Variants in DAB1 observed in about 807,000 individuals in gnomAD.
DAB1 encodes the protein DAB adaptor protein 1.
In DAB1, 15 loss-of-function variants were observed where a neutral mutation model predicts 64.6. That is an observed-to-expected ratio of 0.23 (90% CI 0.16 to 0.36). DAB1 has a LOEUF of 0.36. Ranked by LOEUF, DAB1 falls within the 10% of genes least tolerant of loss-of-function variation. The pLI is 1.00. For missense variants in DAB1, 596 were observed against 706.7 expected (o/e 0.84, Z 1.78); for synonymous variants, 235 against 251.9 (o/e 0.93, Z 0.64).
At chr1:57,669,396 A>G (rs887700023) in intron 6 of DAB1, among the ~76,000 whole-genome samples, 1 of 152,194 alleles carries the variant, frequency 6.6e-6, no homozygotes, top group Non-Finnish European at 1.5e-5. Context: ...TATATTTTAC[A>G]TGATAACTTG....
chr1:57,380,226 A>G (rs1172725694), intron 1 of DAB1, among the ~76,000 whole-genome samples: 1 of 152,196 alleles, frequency 6.6e-6, no homozygotes, highest in Non-Finnish European at 1.5e-5. Flanking sequence ...ACTAACAAAA[A>G]AACTGAAGAG....
chr1:57,584,157 A>G (rs1390334396), intron 7 of DAB1, among the ~76,000 whole-genome samples: 1 of 152,198 alleles, frequency 6.6e-6, no homozygotes, highest in African/African-American at 2.4e-5. Flanking sequence ...ACTGTGCTCA[A>G]ATAAGGAAAC....
chr1:58,518,338 G>T (rs1569936595), intron 2 of DAB1, among the ~76,000 whole-genome samples: 1 of 130,398 alleles, frequency 7.7e-6, no homozygotes, highest in Non-Finnish European at 1.6e-5. Context: ...GAGAAGAGAA[G>T]AGAAGAGAAG....
intron 5 of DAB1, among the ~76,000 whole-genome samples, chr1:57,970,322 A>G (rs1393943148): frequency 1.3e-5 from 2 of 152,182 alleles, no homozygotes; most frequent in African/African-American, 4.8e-5. Context: ...AGCAGCCAAA[A>G]AACACATGGT....
intron 1 of DAB1, among the ~76,000 whole-genome samples, chr1:57,303,658 G>A (rs1673866783): frequency 6.6e-6 from 1 of 150,514 alleles, no homozygotes; most frequent in African/African-American, 2.5e-5. Flanking sequence ...CCACTAGGTA[G>A]AAAAACAAAC....
chr1:58,166,569 C>T (rs1163134621), intron 4 of DAB1, among the ~76,000 whole-genome samples: 1 of 152,120 alleles, frequency 6.6e-6, no homozygotes, highest in Non-Finnish European at 1.5e-5. Context: ...AGTGTTTCCA[C>T]TTCCTTGGAT....
At chr1:58,091,211 C>T (rs908289854) in intron 5 of DAB1, among the ~76,000 whole-genome samples, 7 of 152,132 alleles carry the variant, frequency 4.6e-5, no homozygotes, top group African/African-American at 1.7e-4. Flanking sequence ...CACTCTGTTT[C>T]GTTAGTTTTA....
chr1:58,257,773 G>C (rs1307771390), intron 4 of DAB1, among the ~76,000 whole-genome samples: 2 of 152,152 alleles, frequency 1.3e-5, no homozygotes, highest in African/African-American at 4.8e-5. Context: ...TTTTACAGCT[G>C]GGGGAGCTAA....
intron 5 of DAB1, among the ~76,000 whole-genome samples, chr1:57,989,674 T>C (rs1217508060): frequency 2.0e-5 from 3 of 152,164 alleles, no homozygotes; most frequent in Non-Finnish European, 2.9e-5. Context: ...TAAATGAACA[T>C]CTGTAGCCCA....
chr1:57,495,077 G>A (rs185477776), intron 7 of DAB1, among the ~76,000 whole-genome samples: 13 of 152,210 alleles, frequency 8.5e-5, no homozygotes, highest in Non-Finnish European at 1.8e-4. Context: ...TGAGTCAATC[G>A]CATAGGGATA....
intron 6 of DAB1, among the ~76,000 whole-genome samples, chr1:57,752,289 CTATT>C (rs1217522582): frequency 6.6e-6 from 1 of 152,154 alleles, no homozygotes; most frequent in East Asian, 1.9e-4. Flanking sequence ...TTGATTTTCT[CTATT>C]TATTTACATT....
At chr1:58,356,059 C>T (rs1557738546) in intron 3 of DAB1, among the ~76,000 whole-genome samples, 1 of 152,150 alleles carries the variant, frequency 6.6e-6, no homozygotes, top group Non-Finnish European at 1.5e-5. Flanking sequence ...TCCTCTAATC[C>T]CTAGACATCT....
chr1:57,593,984 A>G (rs898129171), intron 7 of DAB1, among the ~76,000 whole-genome samples: 1 of 152,216 alleles, frequency 6.6e-6, no homozygotes, highest in Non-Finnish European at 1.5e-5. Flanking sequence ...CCTGGGTTGT[A>G]TGCCTTGCCT....
intron 1 of DAB1, among the ~76,000 whole-genome samples, chr1:57,369,672 T>C (rs1680338285): frequency 6.6e-6 from 1 of 152,204 alleles, no homozygotes; most frequent in Admixed American, 6.5e-5. Context: ...CTTCTGAGCT[T>C]GGACTCTGGA....
intron 7 of DAB1, among the ~76,000 whole-genome samples, chr1:57,546,568 T>C (rs917739558): frequency 1.3e-5 from 2 of 152,138 alleles, no homozygotes; most frequent in African/African-American, 4.8e-5. Context: ...TACAGAACAG[T>C]TTGAGAATTA....
chr1:57,487,997 T>G (rs537548124), intron 7 of DAB1, among the ~76,000 whole-genome samples: 2 of 152,322 alleles, frequency 1.3e-5, no homozygotes, highest in African/African-American at 4.8e-5. Context: ...AAGCTAAATC[T>G]TATATTGCTA....
At chr1:57,523,181 C>A (rs1310140329) in intron 7 of DAB1, among the ~76,000 whole-genome samples, 2 of 152,184 alleles carry the variant, frequency 1.3e-5, no homozygotes, top group African/African-American at 2.4e-5. Flanking sequence ...AATACACCCC[C>A]CTTCCCTGTC....
upstream of DAB1, among the ~76,000 whole-genome samples, chr1:57,886,001 CAAATT>C: frequency 6.6e-6 from 1 of 152,160 alleles, no homozygotes; most frequent in Non-Finnish European, 1.5e-5. Flanking sequence ...CTGCTTTAAT[CAAATT>C]AGTTTATTTA....
chr1:57,333,301 A>G (rs1160711405), intron 1 of DAB1, among the ~76,000 whole-genome samples: 1 of 152,212 alleles, frequency 6.6e-6, no homozygotes, highest in African/African-American at 2.4e-5. Flanking sequence ...CTAGGTTCAA[A>G]TCCCAGCTTT....
Sources: allele counts gnomAD v4.1 joint callset (sites outside exome capture counted in the v4.1 genomes callset), GRCh38; gene constraint gnomAD v4.1.1; transcripts MANE v1.5; gene names NCBI Gene and HGNC (gene_info 2026-07-23, HGNC 2026-07-21).